Variants in OCIAD1 observed in about 807,000 individuals in gnomAD.
OCIAD1 encodes the protein OCIA domain-containing protein 1.
In OCIAD1, 29 loss-of-function variants were observed where a neutral mutation model predicts 38.9. That is an observed-to-expected ratio of 0.74 (90% CI 0.55 to 1.02). The LOEUF is 1.02. OCIAD1 is among the 50% of genes least tolerant of loss of function. The pLI, the probability that OCIAD1 is intolerant of heterozygous loss-of-function variation, is 0.00. For missense variants in OCIAD1, 288 were observed against 289.6 expected, an observed-to-expected ratio of 0.99 and a Z score of 0.04; for synonymous variants, 110 against 92.0, an observed-to-expected ratio of 1.20 and a Z score of -1.12.
intron 3 of OCIAD1, among the ~76,000 whole-genome samples, chr4:48,835,957 G>T (rs1423924211): frequency 1.3e-5 from 2 of 152,238 alleles, no homozygotes; most frequent in African/African-American, 2.4e-5. Context: ...TGCTGGAGCG[G>T]TGAGCCTGAA....
At chr4:48,824,470 T>C (rs753000316) in intron 1 of OCIAD1, among the ~76,000 whole-genome samples, 11 of 152,078 alleles carry the variant, frequency 7.2e-5, no homozygotes, top group Non-Finnish European at 1.6e-4. Flanking sequence ...AACCCTGAAC[T>C]CCTGGTCTCA....
chr4:48,809,316 G>GT (rs1214692777), intron 1 of OCIAD1, among the ~76,000 whole-genome samples: 2 of 152,182 alleles, frequency 1.3e-5, no homozygotes, highest in African/African-American at 4.8e-5. Flanking sequence ...GAGGTCAGGA[G>GT]TTTGAGACCA....
chr4:48,860,712 G>A lies in OCIAD1; in HGVS notation c.701-13G>A. ...TTGCTTGGAATCATCAATTATTTAT[G>A]CTTTTTTCCTAGTCAAAGTAAACAA... On this transcript the variant is annotated splice_polypyrimidine_tract_variant and intron_variant, in intron 8 of 8. Transcript: ENST00000264312. 6.4e-7 allele frequency: 1 copy of A among 1,566,382 alleles called. No individual in the cohort carries two copies. Among genetic ancestry groups the A allele is most frequent in the African/African-American group, 1.4e-5 (1 of 73,868 alleles).
chr4:48,855,809 C>CT (rs1779981998), intron 7 of OCIAD1, among the ~76,000 whole-genome samples: 1 of 142,086 alleles, frequency 7.0e-6, no homozygotes, highest in South Asian at 2.2e-4. Flanking sequence ...GAGTGAGACT[C>CT]TGTCTCAAAA....
intron 1 of OCIAD1, among the ~76,000 whole-genome samples, chr4:48,816,164 C>T (rs1325702388): frequency 1.3e-5 from 2 of 152,174 alleles, no homozygotes; most frequent in African/African-American, 4.8e-5. Flanking sequence ...ACTTATCCAC[C>T]TGTGCATTTC....
intron 7 of OCIAD1, among the ~76,000 whole-genome samples, chr4:48,855,167 C>T (rs770491232): frequency 2.0e-5 from 3 of 152,168 alleles, no homozygotes; most frequent in African/African-American, 4.8e-5. Context: ...TACCATATTT[C>T]GCAATTGAGA....
At chr4:48,853,840 G>C (rs958211956) in intron 7 of OCIAD1, among the ~76,000 whole-genome samples, 2 of 152,184 alleles carry the variant, frequency 1.3e-5, no homozygotes, top group African/African-American at 4.8e-5. Context: ...GCAAAGGGGT[G>C]AGTATTAGCC....
At chr4:48,842,797 C>A in intron 4 of OCIAD1, 108 bp downstream of exon 4, 1 of 601,384 alleles carries the variant, frequency 1.7e-6, no homozygotes, top group Admixed American at 3.6e-5. Flanking sequence ...TCATATTAAA[C>A]ACTATGTAGA....
chr4:48,821,223 C>T (rs1777191699), intron 1 of OCIAD1, among the ~76,000 whole-genome samples: 1 of 152,188 alleles, frequency 6.6e-6, no homozygotes, highest in Admixed American at 6.5e-5. Flanking sequence ...GACTTTATGC[C>T]TGGGATGCAA....
At chr4:48,841,373 G>C (rs78964946) in intron 3 of OCIAD1, among the ~76,000 whole-genome samples, 3,265 of 152,272 alleles carry the variant, frequency 0.021, 40 homozygotes, top group Middle Eastern at 0.037. Context: ...ATCATAAAAG[G>C]AAAGGGAGCA....
intron 1 of OCIAD1, among the ~76,000 whole-genome samples, chr4:48,821,645 C>A (rs1037787413): frequency 6.6e-6 from 1 of 152,128 alleles, no homozygotes; most frequent in African/African-American, 2.4e-5. Flanking sequence ...TTTAGAAAAC[C>A]ACATTGTCTC....
At chr4:48,811,101 T>A (rs1777085381) in intron 1 of OCIAD1, among the ~76,000 whole-genome samples, 1 of 151,994 alleles carries the variant, frequency 6.6e-6, no homozygotes, top group African/African-American at 2.4e-5. Flanking sequence ...AGGCCATCCA[T>A]CCACCTTGGA....
At chr4:48,839,847 A>G (rs1778366661) in intron 3 of OCIAD1, among the ~76,000 whole-genome samples, 1 of 152,190 alleles carries the variant, frequency 6.6e-6, no homozygotes, top group Non-Finnish European at 1.5e-5. Flanking sequence ...CTATAGAGAC[A>G]GATTATTTAA....
At chr4:48,828,121 G>A (rs1055737826), upstream of OCIAD1, among the ~76,000 whole-genome samples, 4 of 150,220 alleles carry the variant, frequency 2.7e-5, no homozygotes, top group African/African-American at 9.8e-5. Context: ...TTATGTCTAG[G>A]GAAAGGTTTG....
chr4:48,827,162 G>A (rs1169297106), upstream of OCIAD1, among the ~76,000 whole-genome samples: 6 of 151,944 alleles, frequency 3.9e-5, no homozygotes, highest in Admixed American at 2.6e-4. Flanking sequence ...TTGAATAATC[G>A]CTGAATAATT....
chr4:48,852,474 T>G (rs1579103457), intron 7 of OCIAD1: 1 of 152,380 alleles, frequency 6.6e-6, no homozygotes, highest in African/African-American at 2.4e-5. Flanking sequence ...CTTTGTGAAG[T>G]TTGTAAATAC....
chr4:48,820,811 A>C (rs1777186345), intron 1 of OCIAD1, among the ~76,000 whole-genome samples: 1 of 152,256 alleles, frequency 6.6e-6, no homozygotes, highest in Non-Finnish European at 1.5e-5. Context: ...AGAAATGGAT[A>C]AATTCCTGGA....
intron 5 of OCIAD1, 80 bp from the exon 6 acceptor site, chr4:48,849,867 A>G (rs1779274656): frequency 7.8e-6 from 10 of 1,285,340 alleles, no homozygotes; most frequent in Non-Finnish European, 1.1e-5. Flanking sequence ...ATCACACTTT[A>G]AAACAAATTT....
At chr4:48,807,591 C>T (rs60873333) in intron 1 of OCIAD1, among the ~76,000 whole-genome samples, 16 of 152,230 alleles carry the variant, frequency 1.1e-4, no homozygotes, top group African/African-American at 3.9e-4. Context: ...AATTCCCTTT[C>T]TTTCTTGCCT....
Sources: allele counts gnomAD v4.1 joint callset (sites outside exome capture counted in the v4.1 genomes callset), GRCh38; gene constraint gnomAD v4.1.1; transcripts MANE v1.5; gene names NCBI Gene and HGNC (gene_info 2026-07-23, HGNC 2026-07-21).